DPP6: variants seen among roughly 807,000 people sequenced by gnomAD.
DPP6 encodes dipeptidyl peptidase like 6, also known as A-type potassium channel modulatory protein DPP6.
In DPP6, 69 loss-of-function variants were observed where a neutral mutation model predicts 122.6. The observed-to-expected ratio is 0.56, with a 90% CI of 0.46 to 0.69. The LOEUF (loss-of-function observed/expected upper bound fraction) is 0.69, where lower values mean the gene tolerates loss of function less well. DPP6 is among the 30% of genes least tolerant of loss of function. DPP6 has a pLI of 0.00. For missense variants in DPP6, 928 were observed against 1,116.9 expected (o/e 0.83, Z 2.41); for synonymous variants, 418 against 433.1 (o/e 0.97, Z 0.43).
intron 17 of DPP6, among the ~76,000 whole-genome samples, chr7:154,861,971 T>C (rs1192408978): frequency 6.6e-6 from 1 of 152,210 alleles, no homozygotes; most frequent in Non-Finnish European, 1.5e-5. Context: ...GGCCCATCCA[T>C]TCTCTGTCAT....
intron 1 of DPP6, among the ~76,000 whole-genome samples, chr7:153,963,854 G>A (rs1795487335): frequency 6.6e-6 from 1 of 152,170 alleles, no homozygotes; most frequent in African/African-American, 2.4e-5. Flanking sequence ...GGGGACTGCT[G>A]CTGTAAAGCA....
chr7:154,373,382 G>A (rs928995880), intron 1 of DPP6, among the ~76,000 whole-genome samples: 2 of 152,114 alleles, frequency 1.3e-5, no homozygotes, highest in African/African-American at 2.4e-5. Flanking sequence ...TGTAAGGAGA[G>A]GCCATGGTGT....
intron 1 of DPP6, among the ~76,000 whole-genome samples, chr7:153,920,153 T>C (rs1800561663): frequency 6.6e-6 from 1 of 152,212 alleles, no homozygotes; most frequent in African/African-American, 2.4e-5. Flanking sequence ...CCAGGCAGGA[T>C]CTAGCCAACA....
intron 1 of DPP6, among the ~76,000 whole-genome samples, chr7:153,940,469 G>T (rs1051828093): frequency 6.6e-6 from 1 of 152,142 alleles, no homozygotes. Flanking sequence ...CACTGAAATA[G>T]TCTCTATGAG....
At chr7:154,466,217 C>T (rs927624132) in intron 2 of DPP6, among the ~76,000 whole-genome samples, 1 of 150,486 alleles carries the variant, frequency 6.6e-6, no homozygotes, top group Admixed American at 6.6e-5. Flanking sequence ...GGGTGGGGGG[C>T]AAGGGAAGGG....
intron 1 of DPP6, among the ~76,000 whole-genome samples, chr7:154,199,750 C>T (rs769536691): frequency 3.6e-4 from 54 of 152,050 alleles, no homozygotes; most frequent in Non-Finnish European, 6.8e-4. Flanking sequence ...GCTGAGATTA[C>T]AGGCACACAC....
At chr7:153,938,793 C>G (rs1347685568) in intron 1 of DPP6, among the ~76,000 whole-genome samples, 1 of 152,178 alleles carries the variant, frequency 6.6e-6, no homozygotes. Flanking sequence ...AAAAGGGTTT[C>G]TAAAGCTAGG....
intron 1 of DPP6, among the ~76,000 whole-genome samples, chr7:154,075,917 C>A (rs2150518780): frequency 6.6e-6 from 1 of 151,624 alleles, no homozygotes; most frequent in South Asian, 2.1e-4. Context: ...TTTTAATGCT[C>A]CTTTCCTAAT....
chr7:154,859,672 T>C (rs1021701753), intron 17 of DPP6, among the ~76,000 whole-genome samples: 4 of 152,226 alleles, frequency 2.6e-5, no homozygotes, highest in Non-Finnish European at 4.4e-5. Context: ...TAAAAGCTGT[T>C]TCCTTAAGAA....
chr7:153,748,430 G>A, the DPP6 span, among the ~76,000 whole-genome samples: 1 of 16,098 alleles, frequency 6.2e-5, no homozygotes, highest in Non-Finnish European at 1.2e-4. Flanking sequence ...AGGGGGGTGT[G>A]GAAAGATCCG....
At chr7:154,182,056 A>G (rs1798118139) in intron 1 of DPP6, among the ~76,000 whole-genome samples, 2 of 152,060 alleles carry the variant, frequency 1.3e-5, no homozygotes, top group South Asian at 4.1e-4. Context: ...CTGGCCGAAA[A>G]TGCATCTCTT....
chr7:153,873,175 A>C, the DPP6 span, among the ~76,000 whole-genome samples: 6 of 152,188 alleles, frequency 3.9e-5, no homozygotes, highest in African/African-American at 1.4e-4. Flanking sequence ...TCTTTTTAAC[A>C]ACCGGCTCCC....
intron 1 of DPP6, 84 bp from the exon 2 acceptor site, chr7:154,446,130 T>A (rs1819846822): frequency 1.2e-6 from 1 of 834,902 alleles, no homozygotes; most frequent in Admixed American, 2.8e-5. Flanking sequence ...TCTTGGTTCT[T>A]GATTTAAATG....
chr7:154,167,078 G>C (rs1797292357), intron 1 of DPP6, among the ~76,000 whole-genome samples: 1 of 147,534 alleles, frequency 6.8e-6, no homozygotes. Context: ...CCCCACAACT[G>C]TCTACAATAT....
chr7:154,709,471 T>C (rs1020300255), intron 7 of DPP6, among the ~76,000 whole-genome samples: 1 of 152,160 alleles, frequency 6.6e-6, no homozygotes, highest in Non-Finnish European at 1.5e-5. Context: ...CCTCCCACCT[T>C]GGCCTCCCAA....
At position 154,813,987 on chromosome 7, in the gene DPP6, TCTC is replaced by T. The variant is rs377719801; in HGVS notation, c.1666+6878_1666+6880del. ...CCTCCGCCTCCCAGGTTCAAGCAAT[TCTC>T]CTGCCTCAGCCTCTTGAGTAGCTGG... is the stretch of plus-strand genomic sequence containing the variant. On this transcript the variant is annotated intron_variant, in intron 16 of 25. Transcript: ENST00000377770. 8.6e-4 allele frequency among the ~76,000 whole-genome samples: 126 copies of T among 145,732 alleles called. 2 individuals carry two copies. In the East Asian group the frequency reaches 0.023, roughly 27 times the overall value.
At chr7:154,069,449 G>C (rs1802963847) in intron 1 of DPP6, among the ~76,000 whole-genome samples, 1 of 150,392 alleles carries the variant, frequency 6.6e-6, no homozygotes, top group Admixed American at 6.6e-5. Flanking sequence ...TGAAAATAAA[G>C]TATAATTTTT....
chr7:154,344,194 T>C (rs1361158093), intron 1 of DPP6, among the ~76,000 whole-genome samples: 2 of 152,202 alleles, frequency 1.3e-5, no homozygotes, highest in African/African-American at 4.8e-5. Flanking sequence ...ACACCCACAA[T>C]TGTCTGTTCC....
Position 154,029,618 on chromosome 7 carries a change from A to G in DPP6, c.51+141884A>G, listed in dbSNP as rs1467365668. On this transcript the variant is annotated intron_variant, in intron 1 of 25. Transcript: ENST00000404039. ...TCCCAGCACTTTGGGAGGCTGAGGT[A>G]GGTGGATCATGAGGTCAGGAGATCG... Among the ~76,000 whole-genome samples the G allele has an allele frequency of 2.4e-4, 32 of 130,980 alleles. No homozygotes were observed. In the Middle Eastern group the frequency reaches 0.019, roughly 76 times the overall value. The allele number at this position is 130,980 out of a possible 152,430, so 85.9% of individuals were successfully genotyped here. A position where few individuals can be genotyped will look rare whatever the true frequency, so the allele number is the denominator to read the frequency against.
Sources: allele counts gnomAD v4.1 joint callset (sites outside exome capture counted in the v4.1 genomes callset), GRCh38; gene constraint gnomAD v4.1.1; transcripts MANE v1.5; gene names NCBI Gene and HGNC (gene_info 2026-07-23, HGNC 2026-07-21).